The following ZSCAN5A variants were observed in gnomAD, a reference collection of about 807,000 sequenced individuals.
The protein encoded by ZSCAN5A is zinc finger and SCAN domain containing 5A.
ZSCAN5A carries 12 observed loss-of-function variants against 23.7 expected under a neutral mutation model. The observed-to-expected ratio is 0.51, with a 90% CI of 0.32 to 0.82. ZSCAN5A has a LOEUF of 0.82. Among genes scored for constraint, ZSCAN5A ranks in the 40% least tolerant of loss-of-function variants. The pLI is 0.03. For synonymous variants in ZSCAN5A, 257 were observed against 239.9 expected, an observed-to-expected ratio of 1.07 and a Z score of -0.66; for missense variants, 597 against 617.9, an observed-to-expected ratio of 0.97 and a Z score of 0.36.
chr19:56,321,592 C>A (rs2041376568), intron 2 of ZSCAN5A: 2 of 788,282 alleles, frequency 2.5e-6, no homozygotes, highest in African/African-American at 3.4e-5. Context: ...CTGTGGCATC[C>A]CCATATCTGG....
upstream of ZSCAN5A, among the ~76,000 whole-genome samples, chr19:56,316,958 A>G (rs1188648289): frequency 6.6e-6 from 1 of 152,054 alleles, no homozygotes; most frequent in Non-Finnish European, 1.5e-5. Flanking sequence ...CACCTCCGCC[A>G]CCTGAGTAGC....
intron 2 of ZSCAN5A, among the ~76,000 whole-genome samples, chr19:56,269,217 G>A (rs904963900): frequency 6.6e-6 from 1 of 151,864 alleles, no homozygotes; most frequent in Admixed American, 6.6e-5. Flanking sequence ...TCTTCTACAG[G>A]GGCTATACCA....
At position 56,352,083 on chromosome 19, in the gene ZSCAN5A, G is replaced by C. The variant is rs2041670837; in HGVS notation, c.-358+11152C>G. ...GCGCTTGGGTATGCTTTGGTGGATA[G>C]TGTGGGGTTTTTTTGTTTGTTTGTT... On this transcript the variant is annotated intron_variant, in intron 2 of 6. Transcript: ENST00000587340. The surrounding 1 kb of genome is among the most constrained non-coding windows in gnomAD (Gnocchi z 4.2). Among the ~76,000 whole-genome samples, 3 of 151,954 alleles carry C rather than the reference G, an allele frequency of 2.0e-5. No individual in the cohort carries two copies. The highest frequency in any genetic ancestry group is 4.4e-5 in the Non-Finnish European group (3 of 67,990).
intron 2 of ZSCAN5A, among the ~76,000 whole-genome samples, chr19:56,256,195 T>TTTTG (rs539788968): frequency 6.6e-6 from 1 of 152,200 alleles, no homozygotes; most frequent in South Asian, 2.1e-4. Flanking sequence ...TTTTTTGTTG[T>TTTTG]TTTGTTTGTT....
intron 1 of ZSCAN5A, among the ~76,000 whole-genome samples, chr19:56,313,863 A>G (rs551545001): frequency 3.4e-4 from 52 of 152,324 alleles, no homozygotes; most frequent in African/African-American, 8.9e-4. Flanking sequence ...TCATCTGGTG[A>G]GAGTTTACTG....
chr19:56,277,672 T>C (rs888293281), intron 2 of ZSCAN5A, among the ~76,000 whole-genome samples: 1 of 152,110 alleles, frequency 6.6e-6, no homozygotes, highest in South Asian at 2.1e-4. Context: ...AATTGCATGG[T>C]ATGTGAATTA....
chr19:56,250,916 C>CA (rs1466672831), intron 2 of ZSCAN5A, among the ~76,000 whole-genome samples: 19 of 152,072 alleles, frequency 1.2e-4, no homozygotes, highest in Admixed American at 1.2e-3. Context: ...TTTGGGAGGC[C>CA]AAGGCAGGCA....
At chr19:56,236,411 T>C (rs370254851) in intron 2 of ZSCAN5A, among the ~76,000 whole-genome samples, 523 of 35,986 alleles carry the variant, frequency 0.015, no homozygotes, top group East Asian at 0.094. Context: ...CAAGCCTCCA[T>C]TCCAGCCTCT....
upstream of ZSCAN5A, among the ~76,000 whole-genome samples, chr19:56,319,297 A>T (rs1461355538): frequency 6.6e-6 from 1 of 152,002 alleles, no homozygotes; most frequent in Non-Finnish European, 1.5e-5. Flanking sequence ...GGAGTTTGAG[A>T]CCAGCCTGAC....
At chr19:56,238,093 C>A (rs1464406949) in intron 2 of ZSCAN5A, among the ~76,000 whole-genome samples, 2 of 88,194 alleles carry the variant, frequency 2.3e-5, no homozygotes, top group Non-Finnish European at 5.1e-5. Context: ...CACACCCGGA[C>A]ACACGGAAAC....
Position 56,323,308 on chromosome 19 carries a change from A to G in ZSCAN5A, c.-357-7040T>C, listed in dbSNP as rs2041398367. ...CCTCCCAGGCTCAAGTGATCCTCCC[A>G]CCTCAGCCTCCTGAGTAGCTGGGAC... On this transcript the variant is annotated intron_variant, in intron 2 of 6. Transcript: ENST00000587340. 2.0e-5 allele frequency among the ~76,000 whole-genome samples: 3 copies of G among 151,744 alleles called. No homozygotes were observed. The South Asian group carries it at 6.3e-4, about 32-fold the overall frequency.
rs140171587 is a variant in ZSCAN5A at position 56,273,263 on chromosome 19, T to C, written c.-128+40020A>G. On this transcript the variant is annotated intron_variant, in intron 2 of 5. Coordinates refer to ENST00000683990, the MANE Select transcript of ZSCAN5A (RefSeq NM_001322064.3). ...GTTGCATGTCATTGACGAGCTTACG[T>C]TGTGCAGTGCCTGGAAGTCAACATT... 2.4e-4 allele frequency among the ~76,000 whole-genome samples: 36 copies of C among 152,318 alleles called. No homozygotes were observed. In the South Asian group the frequency reaches 6.6e-3, roughly 28 times the overall value.
intron 2 of ZSCAN5A, among the ~76,000 whole-genome samples, chr19:56,293,981 C>T (rs1360956896): frequency 6.6e-6 from 1 of 152,238 alleles, no homozygotes; most frequent in Non-Finnish European, 1.5e-5. Context: ...TACCTTTGTT[C>T]TGAACACTCC....
intron 2 of ZSCAN5A, among the ~76,000 whole-genome samples, chr19:56,236,949 C>A (rs991550621): frequency 7.5e-6 from 1 of 132,962 alleles, no homozygotes; most frequent in African/African-American, 2.8e-5. Context: ...CAGCCTCTGA[C>A]GGACGGTGGG....
chr19:56,262,449 T>C lies in ZSCAN5A; in HGVS notation c.-127-37276A>G, dbSNP rs140174180. On this transcript the variant is annotated intron_variant, in intron 2 of 5. Transcript: ENST00000683990. ...TTTTTTTGTTTTTTTGAGACGGAGT[T>C]TTGCTCCTGTTGCCCAGGCTGGCGT... Among the ~76,000 whole-genome samples the C allele has an allele frequency of 3.6e-3, 544 of 151,848 alleles. 11 individuals carry two copies. The highest frequency in any genetic ancestry group is 0.012 in the African/African-American group (512 of 41,350).
intron 2 of ZSCAN5A, chr19:56,266,417 G>A (rs938301503): frequency 6.6e-6 from 1 of 150,990 alleles, no homozygotes; most frequent in African/African-American, 2.4e-5. Flanking sequence ...CTCAATTACT[G>A]TCCAAGACTT....
At chr19:56,238,036 C>CTA (rs1568627920) in intron 2 of ZSCAN5A, among the ~76,000 whole-genome samples, 1 of 5,264 alleles carries the variant, frequency 1.9e-4, no homozygotes, top group African/African-American at 7.3e-4. Flanking sequence ...AAAAAGCAAG[C>CTA]CAGGAGTCGT....
intron 2 of ZSCAN5A, among the ~76,000 whole-genome samples, chr19:56,346,408 A>G (rs897519047): frequency 1.3e-5 from 2 of 152,066 alleles, no homozygotes; most frequent in East Asian, 1.9e-4. Context: ...GCTCTCTACC[A>G]TTAGGGGAGC....
intron 2 of ZSCAN5A, among the ~76,000 whole-genome samples, chr19:56,239,899 C>T (rs1453866252): frequency 1.3e-5 from 2 of 152,050 alleles, no homozygotes; most frequent in East Asian, 3.9e-4. Flanking sequence ...TGTGGTGGCT[C>T]ACGCCTGTAA....
Sources: allele counts gnomAD v4.1 joint callset (sites outside exome capture counted in the v4.1 genomes callset), GRCh38; gene constraint gnomAD v4.1.1; non-coding constraint Gnocchi (gnomAD v3.1); transcripts MANE v1.5; gene names NCBI Gene and HGNC (gene_info 2026-07-23, HGNC 2026-07-21).